Variants in ZNG1E observed in about 807,000 individuals in gnomAD.
ZNG1E encodes Zn regulated GTPase metalloprotein activator 1E.
chr9:65,684,038 A>G, the ZNG1E span, among the ~76,000 whole-genome samples: 2 of 152,266 alleles, frequency 1.3e-5, no homozygotes, highest in African/African-American at 4.8e-5. Flanking sequence ...TCAGCTTTTC[A>G]GAGGAAGAAA....
chr9:65,684,321 G>T, the ZNG1E span, among the ~76,000 whole-genome samples: 5 of 150,850 alleles, frequency 3.3e-5, no homozygotes, highest in Admixed American at 3.3e-4. Context: ...TGGATCCCTT[G>T]AGGCCAGGAG....
chr9:65,664,267 A>T, the ZNG1E span, among the ~76,000 whole-genome samples: 1 of 151,396 alleles, frequency 6.6e-6, no homozygotes, highest in Non-Finnish European at 1.5e-5. Flanking sequence ...GGGGGGGGTG[A>T]TATGGTTTGG....
chr9:65,658,550 A>G, the ZNG1E span, among the ~76,000 whole-genome samples: 3 of 151,522 alleles, frequency 2.0e-5, no homozygotes, highest in Non-Finnish European at 4.4e-5. Context: ...CAAGGACATG[A>G]GTTCTCAGAT....
At chr9:65,719,951 G>T in the ZNG1E span, 3 of 1,537,152 alleles carry the variant, frequency 2.0e-6, no homozygotes, top group Non-Finnish European at 2.6e-6. Context: ...GTCAGTTATG[G>T]AAAGTCACTT....
At chr9:65,678,608 C>G in the ZNG1E span, among the ~76,000 whole-genome samples, 7 of 143,126 alleles carry the variant, frequency 4.9e-5, no homozygotes, top group African/African-American at 1.4e-4. Context: ...TTAGGATTTT[C>G]TTTTTTTCCT....
the ZNG1E span, among the ~76,000 whole-genome samples, chr9:65,665,193 TC>T: frequency 1.3e-5 from 2 of 152,274 alleles, no homozygotes; most frequent in Non-Finnish European, 2.9e-5. Context: ...GGAAAGTGTC[TC>T]CAGGGCATGT....
chr9:65,684,550 G>GCACGCACACACA, the ZNG1E span, among the ~76,000 whole-genome samples: 1,142 of 132,430 alleles, frequency 8.6e-3, 6 homozygotes, highest in African/African-American at 0.024. Flanking sequence ...ACACACGCAC[G>GCACGCACACACA]CACACACACA....
chr9:65,686,669 G>A, the ZNG1E span, among the ~76,000 whole-genome samples: 2 of 152,170 alleles, frequency 1.3e-5, no homozygotes, highest in African/African-American at 4.8e-5. Flanking sequence ...AAATAAGTCT[G>A]TTACTTAGTG....
chr9:65,687,876 G>A, the ZNG1E span, among the ~76,000 whole-genome samples: 2 of 149,614 alleles, frequency 1.3e-5, no homozygotes, highest in African/African-American at 4.9e-5. Flanking sequence ...GTATATCTAA[G>A]TGTCACTTAT....
chr9:65,672,447 G>GT, the ZNG1E span, among the ~76,000 whole-genome samples: 4 of 94,134 alleles, frequency 4.2e-5, no homozygotes, highest in African/African-American at 7.6e-5. Flanking sequence ...CTTCTTATAA[G>GT]TTAAAAAAAA....
the ZNG1E span, among the ~76,000 whole-genome samples, chr9:65,699,121 C>T: frequency 6.6e-6 from 1 of 150,972 alleles, no homozygotes; most frequent in Non-Finnish European, 1.5e-5. Context: ...TGGGGTTTCA[C>T]CATGTTGGCC....
the ZNG1E span, among the ~76,000 whole-genome samples, chr9:65,662,469 A>G: frequency 1.3e-5 from 2 of 152,338 alleles, no homozygotes; most frequent in East Asian, 1.9e-4. Context: ...TGGTAGTGAT[A>G]GTAAGATATT....
chr9:65,723,906 GA>G, the ZNG1E span, among the ~76,000 whole-genome samples: 29 of 104,672 alleles, frequency 2.8e-4, no homozygotes, highest in African/African-American at 1.1e-3. Flanking sequence ...ACAAAAACTG[GA>G]AAAAAAAAGT....
At chr9:65,663,323 A>T in the ZNG1E span, among the ~76,000 whole-genome samples, 1 of 151,842 alleles carries the variant, frequency 6.6e-6, no homozygotes, top group East Asian at 1.9e-4. Context: ...AATCTATCAG[A>T]TATGAATGTT....
chr9:65,710,582 G>A, the ZNG1E span, among the ~76,000 whole-genome samples: 2 of 152,094 alleles, frequency 1.3e-5, no homozygotes, highest in Admixed American at 1.3e-4. Context: ...CGGCTAGCCA[G>A]TTTTCCCAGA....
At chr9:65,672,371 T>C in the ZNG1E span, among the ~76,000 whole-genome samples, 1 of 152,114 alleles carries the variant, frequency 6.6e-6, no homozygotes, top group Admixed American at 6.6e-5. Flanking sequence ...TTCTAAAATA[T>C]TATAATTAAG....
At chr9:65,691,284 T>C in the ZNG1E span, among the ~76,000 whole-genome samples, 1 of 150,588 alleles carries the variant, frequency 6.6e-6, no homozygotes, top group Non-Finnish European at 1.5e-5. Flanking sequence ...GGTTTCGCCA[T>C]GTTGGCCTGA....
the ZNG1E span, among the ~76,000 whole-genome samples, chr9:65,676,828 G>C: frequency 6.9e-6 from 1 of 145,894 alleles, no homozygotes; most frequent in African/African-American, 2.6e-5. Flanking sequence ...TACTGGAAAA[G>C]TTTGAGAAAT....
the ZNG1E span, among the ~76,000 whole-genome samples, chr9:65,665,325 A>G: frequency 6.6e-6 from 1 of 152,268 alleles, no homozygotes; most frequent in African/African-American, 2.4e-5. Flanking sequence ...CATACCCTGC[A>G]TCCCAGCCAT....
Sources: allele counts gnomAD v4.1 joint callset (sites outside exome capture counted in the v4.1 genomes callset), GRCh38; gene constraint gnomAD v4.1.1; transcripts MANE v1.5; gene names NCBI Gene and HGNC (gene_info 2026-07-23, HGNC 2026-07-21).